DDHD1: variants seen among roughly 807,000 people sequenced by gnomAD.
The protein encoded by DDHD1 is phospholipase DDHD1.
Under a neutral mutation model 96.4 loss-of-function variants are expected in DDHD1, and 49 were observed. That is an observed-to-expected ratio of 0.51 (90% CI 0.40 to 0.64). The LOEUF (loss-of-function observed/expected upper bound fraction) is 0.64, where lower values mean the gene tolerates loss of function less well. DDHD1 is among the 30% of genes least tolerant of loss of function. DDHD1 has a pLI of 0.00. For synonymous variants in DDHD1, 442 were observed against 446.5 expected, an observed-to-expected ratio of 0.99 and a Z score of 0.13; for missense variants, 1,106 against 1,161.2, an observed-to-expected ratio of 0.95 and a Z score of 0.69.
chr14:53,106,962 T>C (rs929781019), intron 1 of DDHD1, among the ~76,000 whole-genome samples: 15 of 152,242 alleles, frequency 9.9e-5, no homozygotes, highest in African/African-American at 3.6e-4. Context: ...GTATTGAATT[T>C]AAACTACTTT....
rs548480563 is a variant in DDHD1, at chr14:53,152,917, C to G, written c.182G>C (p.Gly61Ala). The change falls in exon 1 of 13, where the codon GGG becomes GCG. Residue 61 changes from glycine (G) to alanine (A), a missense_variant. Physicochemically the swap from Gly to Ala is moderately conservative, Grantham distance 60. Coordinates refer to ENST00000673822, the MANE Select transcript of DDHD1 (RefSeq NM_001160148.2). ...CGGCGCCAAATGCAGCCCGGGTTCC[C>G]CGCGCAGCAGGGCCAGGGGCACGTC... The part of the protein sequence containing the change: ...DGDVPLALLR[G>A]EPGLHLAPGT... 82 of 1,607,506 alleles carry G rather than the reference C, an allele frequency of 5.1e-5. No individual in the cohort carries two copies. The highest frequency in any genetic ancestry group is 6.1e-5 in the Non-Finnish European group (72 of 1,177,566).
chr14:53,146,388 C>A (rs928874039), intron 1 of DDHD1, among the ~76,000 whole-genome samples: 22 of 150,910 alleles, frequency 1.5e-4, no homozygotes, highest in Non-Finnish European at 3.2e-4. Flanking sequence ...CCTGTACTCC[C>A]AGCTACTAGG....
chr14:53,075,407 C>T (rs1045683681), intron 4 of DDHD1, among the ~76,000 whole-genome samples: 7 of 152,140 alleles, frequency 4.6e-5, no homozygotes, highest in African/African-American at 1.7e-4. Flanking sequence ...TCATTTATGC[C>T]AAAGCCTAAT....
At chr14:53,141,976 T>A (rs961045928) in intron 1 of DDHD1, among the ~76,000 whole-genome samples, 16 of 152,266 alleles carry the variant, frequency 1.1e-4, no homozygotes, top group Admixed American at 9.2e-4. Flanking sequence ...AGAGCAAATA[T>A]ACCAGCCTGG....
intron 1 of DDHD1, among the ~76,000 whole-genome samples, chr14:53,126,265 A>G (rs1889427000): frequency 6.6e-6 from 1 of 152,252 alleles, no homozygotes; most frequent in Non-Finnish European, 1.5e-5. Flanking sequence ...TTGATTCATT[A>G]TGATACACAA....
intron 4 of DDHD1, among the ~76,000 whole-genome samples, chr14:53,077,656 A>AGGTTTT (rs1274386350): frequency 9.2e-6 from 1 of 109,086 alleles, no homozygotes; most frequent in African/African-American, 3.1e-5. Flanking sequence ...CAACTTCATT[A>AGGTTTT]GTTTTTGTTT....
At chr14:53,058,272 G>A (rs1431588808) in intron 9 of DDHD1, among the ~76,000 whole-genome samples, 1 of 152,080 alleles carries the variant, frequency 6.6e-6, no homozygotes, top group East Asian at 1.9e-4. Flanking sequence ...CCACTACCAC[G>A]CCCAGCTAAT....
chr14:53,124,633 TC>T (rs1409094106), intron 1 of DDHD1, among the ~76,000 whole-genome samples: 1 of 152,220 alleles, frequency 6.6e-6, no homozygotes, highest in Non-Finnish European at 1.5e-5. Context: ...GGTAAAGAAT[TC>T]CGGACAATGT....
intron 4 of DDHD1, among the ~76,000 whole-genome samples, chr14:53,090,076 C>T: frequency 6.6e-6 from 1 of 152,172 alleles, no homozygotes; most frequent in East Asian, 1.9e-4. Flanking sequence ...TATGAAGAGA[C>T]ACTTCTCAAA....
chr14:53,079,281 A>G (rs1885242934), intron 4 of DDHD1, among the ~76,000 whole-genome samples: 1 of 151,578 alleles, frequency 6.6e-6, no homozygotes, highest in Non-Finnish European at 1.5e-5. Flanking sequence ...AAGTGGTGCT[A>G]ATTTTTCTCT....
At chr14:53,142,605 G>T (rs1890715762) in intron 1 of DDHD1, among the ~76,000 whole-genome samples, 1 of 152,218 alleles carries the variant, frequency 6.6e-6, no homozygotes, top group African/African-American at 2.4e-5. Context: ...GATAAAGTTG[G>T]TATCTCTCAC....
rs557704717 is a variant in DDHD1 at position 53,086,705 on chromosome 14, T to C, written c.1289+5080A>G. On this transcript the variant is annotated intron_variant, in intron 4 of 12. Transcript: ENST00000673822. ...CCAGCCACTGCAAAAACATGCCAAA[T>C]TGTAAAGACCATTGATGCTGGGAAG... Among the ~76,000 whole-genome samples, 4 of 152,120 alleles carry C rather than the reference T, an allele frequency of 2.6e-5. No homozygotes were observed. In the East Asian group the frequency reaches 7.7e-4, roughly 29 times the overall value.
chr14:53,089,872 A>T (rs1205798336), intron 4 of DDHD1, among the ~76,000 whole-genome samples: 49 of 152,108 alleles, frequency 3.2e-4, no homozygotes, highest in Non-Finnish European at 1.8e-4. Context: ...AATTGACAAA[A>T]GGGATCTAAT....
chr14:53,118,989 A>T (rs1356939514), intron 1 of DDHD1, among the ~76,000 whole-genome samples: 2 of 152,224 alleles, frequency 1.3e-5, no homozygotes, highest in Non-Finnish European at 2.9e-5. Context: ...ACAAGCCAGA[A>T]GAGAGTGGGG....
chr14:53,067,290 C>T (rs1884110636), intron 6 of DDHD1, among the ~76,000 whole-genome samples: 1 of 151,756 alleles, frequency 6.6e-6, no homozygotes, highest in South Asian at 2.1e-4. Context: ...TCACCAGTAG[C>T]TGGGACTACA....
intron 1 of DDHD1, among the ~76,000 whole-genome samples, chr14:53,114,462 C>G (rs1479808414): frequency 6.6e-6 from 1 of 152,196 alleles, no homozygotes; most frequent in Admixed American, 6.5e-5. Flanking sequence ...CCAACAGGGT[C>G]TGACAGACAC....
intron 6 of DDHD1, 132 bp downstream of exon 6, chr14:53,072,465 G>A: frequency 2.3e-6 from 1 of 443,214 alleles, no homozygotes; most frequent in Non-Finnish European, 4.0e-6. Context: ...TTTATTAAAA[G>A]TAGGCTATTT....
chr14:53,114,538 G>A (rs748913570), intron 1 of DDHD1, among the ~76,000 whole-genome samples: 1 of 152,226 alleles, frequency 6.6e-6, no homozygotes, highest in Non-Finnish European at 1.5e-5. Flanking sequence ...TCCAGAGGAA[G>A]GAGCAGGCAG....
At chr14:53,152,112 C>CGAGTGA in intron 1 of DDHD1, 149 bp downstream of exon 1, 1 of 835,488 alleles carries the variant, frequency 1.2e-6, no homozygotes. Flanking sequence ...CAGCTGCCGA[C>CGAGTGA]GCTCCCTGCT....
Sources: allele counts gnomAD v4.1 joint callset (sites outside exome capture counted in the v4.1 genomes callset), GRCh38; gene constraint gnomAD v4.1.1; transcripts MANE v1.5; gene names NCBI Gene and HGNC (gene_info 2026-07-23, HGNC 2026-07-21).